GMDS: variants seen among roughly 807,000 people sequenced by gnomAD.
GMDS encodes GDP-mannose 4,6 dehydratase.
GMDS carries 20 observed loss-of-function variants against 49.9 expected under a neutral mutation model. That is an observed-to-expected ratio of 0.40 (90% CI 0.28 to 0.58). The LOEUF is 0.58. GMDS is among the 20% of genes least tolerant of loss of function. GMDS has a pLI of 0.42. For missense variants in GMDS, 362 were observed against 481.4 expected (o/e 0.75, Z 2.32); for synonymous variants, 177 against 178.6 (o/e 0.99, Z 0.07).
intron 4 of GMDS, among the ~76,000 whole-genome samples, chr6:1,998,874 TG>T (rs200854848): frequency 8.8e-5 from 5 of 56,694 alleles, no homozygotes; most frequent in Non-Finnish European, 2.1e-4. Context: ...AAAGGAAAAC[TG>T]TTTTTTTTAA....
chr6:1,798,644 G>A (rs562508290), intron 7 of GMDS, among the ~76,000 whole-genome samples: 10 of 152,332 alleles, frequency 6.6e-5, no homozygotes, highest in Admixed American at 5.9e-4. Flanking sequence ...GAAGGCAGAA[G>A]CCATCCCTTC....
At chr6:1,681,137 C>T (rs1396111509) in intron 9 of GMDS, among the ~76,000 whole-genome samples, 1 of 152,106 alleles carries the variant, frequency 6.6e-6, no homozygotes, top group Non-Finnish European at 1.5e-5. Context: ...CTTACAGATA[C>T]ACACACCTAT....
At chr6:2,006,790 C>T (rs9391941) in intron 4 of GMDS, among the ~76,000 whole-genome samples, 31,431 of 152,062 alleles carry the variant, frequency 0.21, 3,620 homozygotes, top group Non-Finnish European at 0.24. Context: ...AACATTCTGA[C>T]CTTTAAATTA....
intron 1 of GMDS, among the ~76,000 whole-genome samples, chr6:2,228,361 T>C (rs1056962956): frequency 3.3e-5 from 5 of 152,206 alleles, no homozygotes; most frequent in African/African-American, 1.2e-4. Context: ...ACTCTCCTTT[T>C]CTTCAATATA....
At chr6:1,928,131 C>T (rs1293167534) in intron 7 of GMDS, among the ~76,000 whole-genome samples, 1 of 152,096 alleles carries the variant, frequency 6.6e-6, no homozygotes, top group East Asian at 1.9e-4. Context: ...CTTTGGGAGG[C>T]CAAGGTGGGT....
chr6:1,737,753 TAC>T (rs144527413), intron 8 of GMDS, among the ~76,000 whole-genome samples: 11 of 120,850 alleles, frequency 9.1e-5, no homozygotes, highest in African/African-American at 1.9e-4. Flanking sequence ...CACATACACA[TAC>T]ACACACACCA....
At chr6:1,781,647 C>T (rs1243224415) in intron 7 of GMDS, among the ~76,000 whole-genome samples, 1 of 149,360 alleles carries the variant, frequency 6.7e-6, no homozygotes, top group Non-Finnish European at 1.5e-5. Context: ...TGGCCTTAAG[C>T]CCTCTGAATT....
chr6:1,646,790 T>C (rs763736682), intron 9 of GMDS, among the ~76,000 whole-genome samples: 2 of 152,174 alleles, frequency 1.3e-5, no homozygotes, highest in African/African-American at 2.4e-5. Context: ...GAATCAGGCA[T>C]AGGCTGAAGA....
At chr6:1,669,268 G>A (rs1205109902) in intron 9 of GMDS, among the ~76,000 whole-genome samples, 4 of 152,240 alleles carry the variant, frequency 2.6e-5, no homozygotes, top group East Asian at 1.9e-4. Flanking sequence ...CAGCCTTTTT[G>A]GGGCTTAGCC....
At chr6:1,996,715 T>C (rs921671017) in intron 4 of GMDS, among the ~76,000 whole-genome samples, 1 of 152,182 alleles carries the variant, frequency 6.6e-6, no homozygotes, top group African/African-American at 2.4e-5. Context: ...TCTAGGAAGC[T>C]GCACACATCA....
At chr6:1,689,116 A>G (rs1380440619) in intron 9 of GMDS, among the ~76,000 whole-genome samples, 1 of 152,220 alleles carries the variant, frequency 6.6e-6, no homozygotes, top group Admixed American at 6.5e-5. Flanking sequence ...TTTTTATTAA[A>G]TCAAGCTGAG....
chr6:1,969,078 G>C (rs528619128), intron 4 of GMDS, among the ~76,000 whole-genome samples: 9 of 151,632 alleles, frequency 5.9e-5, no homozygotes, highest in African/African-American at 2.2e-4. Flanking sequence ...TGGCTAACAC[G>C]GTGAAACCCC....
chr6:2,112,566 G>A (rs1774608648), intron 4 of GMDS, among the ~76,000 whole-genome samples: 1 of 152,092 alleles, frequency 6.6e-6, no homozygotes, highest in South Asian at 2.1e-4. Context: ...ACCCACAAAT[G>A]ATGCTACAAG....
chr6:1,875,512 AC>A (rs1270730351), intron 7 of GMDS, among the ~76,000 whole-genome samples: 1 of 152,156 alleles, frequency 6.6e-6, no homozygotes, highest in Non-Finnish European at 1.5e-5. Context: ...CTGTCTCAAA[AC>A]CTTTAAACAT....
chr6:1,792,227 C>T (rs926978338), intron 7 of GMDS, among the ~76,000 whole-genome samples: 4 of 151,992 alleles, frequency 2.6e-5, no homozygotes, highest in African/African-American at 9.7e-5. Context: ...CCTTTCCCCA[C>T]CAGGCTTAAC....
At chr6:1,974,755 G>A (rs2245971) in intron 4 of GMDS, among the ~76,000 whole-genome samples, 2 of 151,016 alleles carry the variant, frequency 1.3e-5, no homozygotes, top group Non-Finnish European at 3.0e-5. Flanking sequence ...AATGGGCTGG[G>A]CACGGTGGCT....
rs142666236 is a variant in GMDS at position 1,803,575 on chromosome 6, A to G, written c.772-60989T>C. ...CCAAAATGCTCCCTTCCCGTCCCCA[A>G]ATAAATAAATAAATAAATAAATATA... is the stretch of plus-strand genomic sequence containing the variant. On this transcript the variant is annotated intron_variant, in intron 7 of 10. Coordinates refer to ENST00000380815, the MANE Select transcript of GMDS (RefSeq NM_001500.4). Among the ~76,000 whole-genome samples the G allele has an allele frequency of 1.3e-4, 20 of 150,544 alleles. No individual in the cohort carries two copies. The East Asian group carries it at 1.4e-3, about 10-fold the overall frequency.
At chr6:2,071,899 C>A (rs1772028133) in intron 4 of GMDS, among the ~76,000 whole-genome samples, 1 of 152,156 alleles carries the variant, frequency 6.6e-6, no homozygotes, top group Admixed American at 6.6e-5. Context: ...CATACCTATA[C>A]CTCACTTTCT....
intron 1 of GMDS, among the ~76,000 whole-genome samples, chr6:2,194,277 A>G (rs1342248510): frequency 6.6e-6 from 1 of 152,172 alleles, no homozygotes; most frequent in Non-Finnish European, 1.5e-5. Flanking sequence ...TAATCTTTGA[A>G]TGTTCTTTAA....
Sources: allele counts gnomAD v4.1 joint callset (sites outside exome capture counted in the v4.1 genomes callset), GRCh38; gene constraint gnomAD v4.1.1; transcripts MANE v1.5; gene names NCBI Gene and HGNC (gene_info 2026-07-23, HGNC 2026-07-21).